The following AUTS2 variants were observed in gnomAD, a reference collection of about 807,000 sequenced individuals.
AUTS2 encodes the protein activator of transcription and developmental regulator AUTS2, also known as autism susceptibility gene 2 protein.
AUTS2 carries 17 observed loss-of-function variants against 112.4 expected under a neutral mutation model. The observed-to-expected ratio is 0.15, with a 90% CI of 0.10 to 0.23. The LOEUF (loss-of-function observed/expected upper bound fraction) is 0.23, where lower values mean the gene tolerates loss of function less well. AUTS2 is among the 10% of genes least tolerant of loss of function. AUTS2 has a pLI of 1.00. For missense variants in AUTS2, 1,510 were observed against 1,701.6 expected (o/e 0.89, Z 1.98); for synonymous variants, 751 against 702.7 (o/e 1.07, Z -1.09).
intron 5 of AUTS2, among the ~76,000 whole-genome samples, chr7:70,646,694 C>T (rs539500482): frequency 3.3e-5 from 5 of 152,348 alleles, no homozygotes; most frequent in East Asian, 3.9e-4. Context: ...CAGACTGTGC[C>T]GCTGACAGCT....
At chr7:70,429,034 GC>G (rs1242617370) in intron 4 of AUTS2, among the ~76,000 whole-genome samples, 1 of 152,116 alleles carries the variant, frequency 6.6e-6, no homozygotes, top group Non-Finnish European at 1.5e-5. Context: ...TTTCTTCTGG[GC>G]CCCAACTCTA....
intron 4 of AUTS2, among the ~76,000 whole-genome samples, chr7:70,250,433 A>G (rs1472962122): frequency 6.6e-6 from 1 of 152,212 alleles, no homozygotes; most frequent in Non-Finnish European, 1.5e-5. Context: ...AAGGTCTGCC[A>G]CCCACCTCCA....
chr7:70,522,803 T>G (rs1799696950), intron 5 of AUTS2, among the ~76,000 whole-genome samples: 1 of 152,206 alleles, frequency 6.6e-6, no homozygotes, highest in Admixed American at 6.5e-5. Flanking sequence ...CAGTTTATTT[T>G]CCTTTGAGCG....
At chr7:70,414,494 T>C (rs543563245) in intron 4 of AUTS2, among the ~76,000 whole-genome samples, 25 of 152,236 alleles carry the variant, frequency 1.6e-4, no homozygotes, top group East Asian at 1.4e-3. Context: ...CAGGAGGCAT[T>C]TGCAGGTTGG....
At chr7:70,334,652 C>G (rs901825916) in intron 4 of AUTS2, among the ~76,000 whole-genome samples, 1 of 152,162 alleles carries the variant, frequency 6.6e-6, no homozygotes, top group African/African-American at 2.4e-5. Context: ...GCTCATTGTT[C>G]TCTCCTTCTG....
At chr7:69,778,406 A>C (rs1331561035) in intron 1 of AUTS2, among the ~76,000 whole-genome samples, 3 of 151,862 alleles carry the variant, frequency 2.0e-5, no homozygotes, top group Non-Finnish European at 4.4e-5. Context: ...AGTTTAAAAA[A>C]AAACCCATGC....
intron 4 of AUTS2, among the ~76,000 whole-genome samples, chr7:70,179,053 A>G (rs947216641): frequency 3.9e-5 from 6 of 152,156 alleles, no homozygotes; most frequent in Non-Finnish European, 7.3e-5. Context: ...TCAGCTGGGC[A>G]CTACGGGTTT....
chr7:70,427,049 C>A (rs1479026545), intron 4 of AUTS2, among the ~76,000 whole-genome samples: 2 of 152,236 alleles, frequency 1.3e-5, no homozygotes, highest in Middle Eastern at 3.4e-3. Context: ...GGGAAAATCG[C>A]CCCATTACAG....
At chr7:70,028,491 C>T (rs1183056039) in intron 2 of AUTS2, among the ~76,000 whole-genome samples, 2 of 152,122 alleles carry the variant, frequency 1.3e-5, no homozygotes, top group African/African-American at 2.4e-5. Flanking sequence ...TCCAGCATAG[C>T]GTTTCTGACA....
chr7:69,913,743 A>T (rs1420296079), intron 2 of AUTS2, among the ~76,000 whole-genome samples: 1 of 152,166 alleles, frequency 6.6e-6, no homozygotes, highest in East Asian at 1.9e-4. Context: ...TTCTCAGGGT[A>T]TTCAGATTGA....
At chr7:70,042,586 C>T (rs1801295402) in intron 2 of AUTS2, among the ~76,000 whole-genome samples, 1 of 152,200 alleles carries the variant, frequency 6.6e-6, no homozygotes, top group African/African-American at 2.4e-5. Flanking sequence ...AAGTAAGGCA[C>T]TGCCTCGTCG....
At chr7:69,753,094 G>T (rs1787807636) in intron 1 of AUTS2, among the ~76,000 whole-genome samples, 1 of 152,144 alleles carries the variant, frequency 6.6e-6, no homozygotes, top group South Asian at 2.1e-4. Context: ...TGTGCCCTCA[G>T]TTTTTATAAT....
At chr7:70,315,573 A>G (rs764361210) in intron 4 of AUTS2, among the ~76,000 whole-genome samples, 2 of 152,056 alleles carry the variant, frequency 1.3e-5, no homozygotes, top group Non-Finnish European at 2.9e-5. Flanking sequence ...TCCTTCGGGA[A>G]CCCAAAAGCC....
intron 6 of AUTS2, among the ~76,000 whole-genome samples, chr7:70,747,331 G>A (rs1194751179): frequency 6.6e-6 from 1 of 152,222 alleles, no homozygotes; most frequent in Non-Finnish European, 1.5e-5. Context: ...TGAGTGGTAA[G>A]CAGCACTAGT....
chr7:70,589,682 C>A (rs1802847939), intron 5 of AUTS2, among the ~76,000 whole-genome samples: 1 of 152,158 alleles, frequency 6.6e-6, no homozygotes, highest in Admixed American at 6.5e-5. Flanking sequence ...CCACTGCACT[C>A]TAGCCTGGGT....
intron 4 of AUTS2, among the ~76,000 whole-genome samples, chr7:70,297,003 G>C (rs1788969789): frequency 6.9e-6 from 1 of 144,144 alleles, no homozygotes. Context: ...CATAATGCCT[G>C]ACTTTTTTTT....
intron 3 of AUTS2, among the ~76,000 whole-genome samples, chr7:70,133,849 T>A (rs1212050471): frequency 2.0e-5 from 3 of 152,210 alleles, no homozygotes; most frequent in Non-Finnish European, 4.4e-5. Context: ...TTAACATTTT[T>A]AAATTCCCTG....
At chr7:69,855,650 A>G (rs1302048207) in intron 1 of AUTS2, among the ~76,000 whole-genome samples, 1 of 152,182 alleles carries the variant, frequency 6.6e-6, no homozygotes, top group Non-Finnish European at 1.5e-5. Flanking sequence ...TGCTTTGTTA[A>G]TCCACGTCAC....
chr7:70,127,052 C>T (rs951319653), intron 3 of AUTS2, among the ~76,000 whole-genome samples: 1 of 152,138 alleles, frequency 6.6e-6, no homozygotes, highest in African/African-American at 2.4e-5. Context: ...CTCTCGAACT[C>T]CTGACCTCAG....
Sources: allele counts gnomAD v4.1 joint callset (sites outside exome capture counted in the v4.1 genomes callset), GRCh38; gene constraint gnomAD v4.1.1; transcripts MANE v1.5; gene names NCBI Gene and HGNC (gene_info 2026-07-23, HGNC 2026-07-21).